The following INPP5B variants were observed in gnomAD, a reference collection of about 807,000 sequenced individuals.
INPP5B encodes type II inositol 1,4,5-trisphosphate 5-phosphatase.
In INPP5B, 90 loss-of-function variants were observed where a neutral mutation model predicts 118.5. That is an observed-to-expected ratio of 0.76 (90% CI 0.64 to 0.90). The LOEUF is 0.90. INPP5B is among the 40% of genes least tolerant of loss of function. The probability of loss-of-function intolerance (pLI) is 0.00; values close to 1 mark genes in which losing one functional copy is unlikely to be tolerated. For missense variants in INPP5B, 984 were observed against 1,125.6 expected, an observed-to-expected ratio of 0.87 and a Z score of 1.80; for synonymous variants, 385 against 418.9, an observed-to-expected ratio of 0.92 and a Z score of 0.99.
chr1:37,901,412 C>A (rs923022653), intron 7 of INPP5B, among the ~76,000 whole-genome samples: 1 of 152,158 alleles, frequency 6.6e-6, no homozygotes, highest in Non-Finnish European at 1.5e-5. Flanking sequence ...GGCACCTGCA[C>A]TTTTCAAACT....
chr1:37,909,898 C>T (rs1204694165), intron 7 of INPP5B, among the ~76,000 whole-genome samples: 1 of 152,140 alleles, frequency 6.6e-6, no homozygotes, highest in African/African-American at 2.4e-5. Context: ...GGCATTCCTC[C>T]AGGACCGCCT....
At chr1:37,862,951 TGTGGGGGAGGCA>T (rs1156507628) in intron 23 of INPP5B, among the ~76,000 whole-genome samples, 1 of 152,026 alleles carries the variant, frequency 6.6e-6, no homozygotes, top group Admixed American at 6.5e-5. Context: ...GTTGGGGGGT[TGTGGGGGAGGCA>T]GCCCTGCTTG....
intron 7 of INPP5B, among the ~76,000 whole-genome samples, chr1:37,896,674 G>A (rs1644097432): frequency 7.3e-6 from 1 of 137,386 alleles, no homozygotes; most frequent in Non-Finnish European, 1.6e-5. Flanking sequence ...GCCCCTACTG[G>A]GAAGTGAGGA....
At chr1:37,930,237 A>C (rs534375232) in intron 7 of INPP5B, 1 of 152,290 alleles carries the variant, frequency 6.6e-6, no homozygotes, top group Non-Finnish European at 1.5e-5. Flanking sequence ...AATTATTTTA[A>C]AATAAAAATA....
chr1:37,866,501 G>A lies in INPP5B; in HGVS notation c.2344C>T (p.His782Tyr). ...QQPGLRSEFE[H>Y]IRDCLDTGMI... is the part of the protein sequence containing the mutation. ...CCAGTATCCAAGCAGTCCCTGATAT[G>A]TTCAAATTCTGACCTCAGGCCTGGT... is the stretch of plus-strand genomic sequence containing the variant. Residue 782 changes from histidine (H) to tyrosine (Y), a missense_variant, in exon 21 of 24, where the codon CAT becomes TAT. By Grantham distance (83) the His-to-Tyr change is moderately conservative (BLOSUM62 2). This residue lies in a region of INPP5B where 634 missense variants were observed against 791.0 expected (regional missense o/e 0.80). Transcript: ENST00000373024. The A allele has an allele frequency of 6.2e-7, 1 of 1,609,890 alleles. No individual in the cohort carries two copies. The highest frequency in any genetic ancestry group is 8.5e-7 in the Non-Finnish European group (1 of 1,176,820).
intron 17 of INPP5B, among the ~76,000 whole-genome samples, chr1:37,875,388 C>G (rs1642727184): frequency 6.6e-6 from 1 of 152,156 alleles, no homozygotes; most frequent in African/African-American, 2.4e-5. Context: ...CCTGTCTCAG[C>G]CTCCCGAGTA....
chr1:37,878,269 G>A lies in INPP5B; in HGVS notation c.1596C>T (p.Asn532=), dbSNP rs1438567509. The A allele has an allele frequency of 1.2e-6, 2 of 1,614,034 alleles. No individual in the cohort carries two copies. The highest frequency in any genetic ancestry group is 1.7e-5 in the Admixed American group (1 of 60,004). ...GGCTCTGGTAACTCAGCTGAGTGAT[G>A]TTCTTCCCTTTCCAGAGAATCCGAT... is the stretch of plus-strand genomic sequence containing the variant. ...WCDRILWKGK[N]ITQLSYQSHM... Residue 532 remains asparagine, a synonymous_variant, in exon 16 of 24, where the codon AAC becomes AAT. Coordinates refer to ENST00000373024, the MANE Select transcript of INPP5B (RefSeq NM_005540.3).
chr1:37,943,818 C>G lies in INPP5B; in HGVS notation c.228G>C (p.Ser76=). Residue 76 remains serine, a synonymous_variant, in exon 4 of 24, where the codon TCG becomes TCC. Coordinates refer to ENST00000373024, the MANE Select transcript of INPP5B (RefSeq NM_005540.3). ...CACCTTCTTCCAGCGTAAAATCCCG[C>G]GAGACTGGCACTATCTGGTCCAGAG... ...DVSLDQIVPV[S]RDFTLEEVSP... 2 of 1,614,152 alleles carry G rather than the reference C, an allele frequency of 1.2e-6. No homozygotes were observed. Among genetic ancestry groups the G allele is most frequent in the Non-Finnish European group, 8.5e-7 (1 of 1,180,022 alleles).
chr1:37,870,947 G>C (rs141331252), intron 19 of INPP5B, among the ~76,000 whole-genome samples: 1 of 152,126 alleles, frequency 6.6e-6, no homozygotes, highest in African/African-American at 2.4e-5. Context: ...CTGAGGTCAG[G>C]AGTTCGAGAC....
At chr1:37,928,084 T>C (rs1263096678) in intron 7 of INPP5B, among the ~76,000 whole-genome samples, 2 of 152,128 alleles carry the variant, frequency 1.3e-5, no homozygotes, top group Non-Finnish European at 2.9e-5. Flanking sequence ...TATACTCTCT[T>C]ACCTCTATCT....
At chr1:37,936,230 A>G (rs1401451799) in intron 6 of INPP5B, among the ~76,000 whole-genome samples, 1 of 151,868 alleles carries the variant, frequency 6.6e-6, no homozygotes, top group African/African-American at 2.4e-5. Context: ...TTCAGTCCCC[A>G]CCAAAGGTCC....
At chr1:37,912,675 C>G (rs751552865) in intron 7 of INPP5B, among the ~76,000 whole-genome samples, 1 of 152,194 alleles carries the variant, frequency 6.6e-6, no homozygotes, top group African/African-American at 2.4e-5. Flanking sequence ...CAATCCGCCA[C>G]TCTTGACTCC....
intron 7 of INPP5B, among the ~76,000 whole-genome samples, chr1:37,927,745 G>A (rs1322411929): frequency 6.6e-6 from 1 of 151,916 alleles, no homozygotes; most frequent in Non-Finnish European, 1.5e-5. Context: ...CACCATGTTA[G>A]CCAGGATGGT....
At chr1:37,910,802 C>A (rs1055362392) in intron 7 of INPP5B, among the ~76,000 whole-genome samples, 1 of 152,146 alleles carries the variant, frequency 6.6e-6, no homozygotes, top group African/African-American at 2.4e-5. Context: ...CCCTATCGAC[C>A]AAATTGTCTT....
At chr1:37,933,719 C>CAATA (rs148542689) in intron 6 of INPP5B, among the ~76,000 whole-genome samples, 8,146 of 138,458 alleles carry the variant, frequency 0.059, 397 homozygotes, top group African/African-American at 0.13. Context: ...GACTCTGTCT[C>CAATA]AATAAATAAA....
At chr1:37,865,953 C>G (rs1642003237) in intron 21 of INPP5B, 65 bp from the exon 22 acceptor site, 6 of 1,593,264 alleles carry the variant, frequency 3.8e-6, no homozygotes, top group Non-Finnish European at 5.1e-6. Context: ...GGCCCAGGAG[C>G]AAGCACATGC....
chr1:37,864,327 C>A lies in INPP5B; in HGVS notation c.2611G>T (p.Asp871Tyr). 1 of 1,597,088 alleles carries A rather than the reference C, an allele frequency of 6.3e-7. No individual in the cohort carries two copies. Among genetic ancestry groups the A allele is most frequent in the South Asian group, 1.1e-5 (1 of 90,476 alleles). ...LLKNSAKNHL[D>Y]ENILASIFGS... ...GGCTGCTTACCTAGAATATTCTCAT[C>A]CAAATGATTTTTTGCTGAATTTTTC... The change falls in exon 23 of 24, where the codon GAT becomes TAT. Residue 871 changes from aspartate (D) to tyrosine (Y), a missense_variant. Physicochemically the swap from Asp to Tyr is radical, Grantham distance 160. Coordinates refer to ENST00000373024, the MANE Select transcript of INPP5B (RefSeq NM_005540.3).
intron 21 of INPP5B, 54 bp from the exon 22 acceptor site, chr1:37,865,942 A>G (rs994140625): frequency 1.1e-5 from 17 of 1,597,874 alleles, no homozygotes; most frequent in Non-Finnish European, 1.4e-5. Context: ...GGTTAGGAAA[A>G]GGCCCAGGAG....
chr1:37,919,820 A>C (rs1367911341), intron 7 of INPP5B, among the ~76,000 whole-genome samples: 1 of 152,022 alleles, frequency 6.6e-6, no homozygotes, highest in Non-Finnish European at 1.5e-5. Flanking sequence ...GCAGGCGCCT[A>C]TAATCCCAGC....
Sources: gnomAD v4.1 joint callset for allele counts (sites outside exome capture counted in the v4.1 genomes callset) on GRCh38, gnomAD v4.1.1 for gene constraint, gnomAD v4.1.1 regional missense constraint, MANE v1.5 for transcripts, NCBI Gene and HGNC (gene_info 2026-07-23, HGNC 2026-07-21) for gene names.